Variants in SPG21 observed in about 807,000 individuals in gnomAD.
The protein encoded by SPG21 is SPG21 abhydrolase domain containing, maspardin.
In SPG21, 26 loss-of-function variants were observed where a neutral mutation model predicts 38.9. That is an observed-to-expected ratio of 0.67 (90% CI 0.49 to 0.93). The LOEUF is 0.93. Among genes scored for constraint, SPG21 ranks in the 40% least tolerant of loss-of-function variants. The pLI, the probability that SPG21 is intolerant of heterozygous loss-of-function variation, is 0.00. For synonymous variants in SPG21, 136 were observed against 128.9 expected (o/e 1.05, Z -0.37); for missense variants, 333 against 376.5 (o/e 0.88, Z 0.96).
At chr15:64,988,124 A>G (rs2140458672) in intron 1 of SPG21, among the ~76,000 whole-genome samples, 1 of 152,262 alleles carries the variant, frequency 6.6e-6, no homozygotes, top group South Asian at 2.1e-4. Flanking sequence ...TAGGAGGCTG[A>G]GGCAGGAGAA....
rs368785512 is a variant in SPG21, at chr15:64,980,917, C to T, written c.172G>A (p.Val58Ile). The change falls in exon 3 of 9, where the codon GTC (valine) becomes ATC (isoleucine). Residue 58 changes from valine to isoleucine, a missense_variant. Physicochemically the swap from Val to Ile is conservative, Grantham distance 29 (BLOSUM62 3). Coordinates refer to ENST00000204566, the MANE Select transcript of SPG21 (RefSeq NM_016630.7). ...AGAGCCAAAATCTGCCGGAAAAAGACATCTGCAGTTCCACTGACAGGGGGC... is the reference window on the plus strand; with the variant it reads ...AGAGCCAAAATCTGCCGGAAAAAGATATCTGCAGTTCCACTGACAGGGGGC... ...FLPPVSGTAD[V>I]FFRQILALTG... 3.2e-5 allele frequency: 52 copies of T among 1,613,920 alleles called. No individual in the cohort carries two copies. Among genetic ancestry groups the T allele is most frequent in the Non-Finnish European group, 4.4e-5 (52 of 1,180,034 alleles).
In SPG21 at chr15:64,965,435, G is replaced by T. The variant is rs759282971; in HGVS notation, c.695C>A (p.Thr232Asn). 1 of 1,614,140 alleles carries T rather than the reference G, an allele frequency of 6.2e-7. No individual in the cohort carries two copies. The highest frequency in any genetic ancestry group is 1.1e-5 in the South Asian group (1 of 91,074). Residue 232 changes from threonine (T) to asparagine (N), a missense_variant, in exon 8 of 9, where the codon ACT becomes AAT. Physicochemically the swap from Thr to Asn is moderately conservative, Grantham distance 65 (BLOSUM62 0). Coordinates refer to ENST00000204566, the MANE Select transcript of SPG21 (RefSeq NM_016630.7). Reference sequence around the variant, plus strand: ...CTTGTACATTTCTTCTTTAGCTTCAGTTGAAAGCGCACTCTGATCAAACAC... The same window carrying T: ...CTTGTACATTTCTTCTTTAGCTTCATTTGAAAGCGCACTCTGATCAAACAC... ...MDVFDQSALS[T>N]EAKEEMYKLY...
At chr15:64,973,527 C>A (rs1001109962) in intron 5 of SPG21, among the ~76,000 whole-genome samples, 1 of 152,040 alleles carries the variant, frequency 6.6e-6, no homozygotes, top group African/African-American at 2.4e-5. Context: ...TCTCGGCTCA[C>A]CACAACCTCC....
chr15:64,980,773 T>A (rs2085868185), intron 3 of SPG21, 91 bp downstream of exon 3: 2 of 1,246,788 alleles, frequency 1.6e-6, no homozygotes, highest in Non-Finnish European at 1.1e-6. Flanking sequence ...ACAAACAAAC[T>A]GTGCCCATTA....
intron 5 of SPG21, among the ~76,000 whole-genome samples, chr15:64,971,455 C>T (rs934776780): frequency 6.5e-4 from 98 of 151,866 alleles, no homozygotes; most frequent in Non-Finnish European, 1.0e-3. Context: ...AGGAGAATGG[C>T]GTGAACCCAG....
At chr15:64,970,721 A>G (rs1371275376) in intron 5 of SPG21, among the ~76,000 whole-genome samples, 1 of 152,124 alleles carries the variant, frequency 6.6e-6, no homozygotes, top group Non-Finnish European at 1.5e-5. Flanking sequence ...ATATTTATAG[A>G]TTTATTTTTT....
chr15:64,978,348 C>T (rs963012758), intron 3 of SPG21, among the ~76,000 whole-genome samples: 1 of 151,910 alleles, frequency 6.6e-6, no homozygotes, highest in African/African-American at 2.4e-5. Context: ...ACTGGGGAAG[C>T]TGAGGCATGA....
intron 5 of SPG21, among the ~76,000 whole-genome samples, chr15:64,972,713 T>C (rs1477611956): frequency 6.6e-6 from 1 of 152,266 alleles, no homozygotes; most frequent in African/African-American, 2.4e-5. Flanking sequence ...GCGCCTGTAG[T>C]CCCAGCTATT....
At chr15:64,982,118 C>A (rs1336936847) in intron 2 of SPG21, among the ~76,000 whole-genome samples, 1 of 150,886 alleles carries the variant, frequency 6.6e-6, no homozygotes, top group East Asian at 1.9e-4. Context: ...TGTATCTTGC[C>A]ACTCACATTT....
In SPG21 at chr15:64,969,262, A is replaced by G. The variant is rs541887248; in HGVS notation, c.662T>C (p.Ile221Thr). Reference protein sequence around the residue: ...PHKIRDIPVTIMDVFDQSALS... With the variant: ...PHKIRDIPVTTMDVFDQSALS... ...ACTTAAAAGGAAGCTTACATCCATAATAGTTACAGGTATGTCCCGAATTTT... is the reference window on the plus strand; with the variant it reads ...ACTTAAAAGGAAGCTTACATCCATAGTAGTTACAGGTATGTCCCGAATTTT... The change falls in exon 7 of 9, where the codon ATT (isoleucine) becomes ACT (threonine). Residue 221 changes from isoleucine (I) to threonine (T), a missense_variant. Physicochemically the swap from Ile to Thr is moderately conservative, Grantham distance 89. Coordinates refer to ENST00000204566, the MANE Select transcript of SPG21 (RefSeq NM_016630.7). 1.2e-6 allele frequency: 2 copies of G among 1,603,482 alleles called. No individual in the cohort carries two copies. Among genetic ancestry groups the G allele is most frequent in the South Asian group, 2.2e-5 (2 of 90,832 alleles).
chr15:64,986,345 G>A (rs996022346), intron 1 of SPG21, among the ~76,000 whole-genome samples: 8 of 151,718 alleles, frequency 5.3e-5, no homozygotes, highest in Non-Finnish European at 7.4e-5. Context: ...CAGCCTGGGC[G>A]ACAGAGTGAG....
At chr15:64,972,871 A>C (rs72742708) in intron 5 of SPG21, among the ~76,000 whole-genome samples, 2,537 of 131,182 alleles carry the variant, frequency 0.019, 30 homozygotes, top group Admixed American at 0.026. Flanking sequence ...AACAAAAAAA[A>C]CTAAAAAATA....
At chr15:64,985,417 C>T (rs1272181168) in intron 1 of SPG21, among the ~76,000 whole-genome samples, 1 of 152,210 alleles carries the variant, frequency 6.6e-6, no homozygotes, top group African/African-American at 2.4e-5. Flanking sequence ...CCTTCTAACC[C>T]TGGCATCTGT....
chr15:64,975,309 A>AG (rs2085753954), intron 4 of SPG21, among the ~76,000 whole-genome samples: 1 of 150,376 alleles, frequency 6.6e-6, no homozygotes, highest in Non-Finnish European at 1.5e-5. Flanking sequence ...AAAAAAGAAA[A>AG]GAAAAAAAGA....
intron 4 of SPG21, among the ~76,000 whole-genome samples, chr15:64,975,933 A>G (rs2085763948): frequency 1.3e-5 from 2 of 152,194 alleles, no homozygotes; most frequent in Non-Finnish European, 2.9e-5. Flanking sequence ...AAAATAAATT[A>G]GGTTGCAGGG....
At chr15:64,968,356 A>AAG (rs2085587967) in intron 7 of SPG21, among the ~76,000 whole-genome samples, 1 of 151,580 alleles carries the variant, frequency 6.6e-6, no homozygotes. Flanking sequence ...AAAAAAAAAA[A>AAG]AAAGAAAGAA....
chr15:64,987,276 A>C (rs1487849885), intron 1 of SPG21: 1 of 152,254 alleles, frequency 6.6e-6, no homozygotes, highest in Non-Finnish European at 1.5e-5. Context: ...ATTTTTGTAG[A>C]GACAAGTAAT....
At chr15:64,967,187 G>A (rs1343888343) in intron 7 of SPG21, among the ~76,000 whole-genome samples, 12 of 150,856 alleles carry the variant, frequency 8.0e-5, no homozygotes, top group Admixed American at 5.3e-4. Flanking sequence ...TACTTCAAAC[G>A]ATATGTCCAA....
intron 7 of SPG21, among the ~76,000 whole-genome samples, chr15:64,966,830 C>T (rs912904198): frequency 2.6e-5 from 4 of 151,982 alleles, no homozygotes; most frequent in South Asian, 2.1e-4. Flanking sequence ...ACCCAGGAGG[C>T]GGAGCTTGCA....
Sources: allele counts gnomAD v4.1 joint callset (sites outside exome capture counted in the v4.1 genomes callset), GRCh38; gene constraint gnomAD v4.1.1; transcripts MANE v1.5; gene names NCBI Gene and HGNC (gene_info 2026-07-23, HGNC 2026-07-21).